The following GABRR1 variants were observed in gnomAD, a reference collection of about 807,000 sequenced individuals.
The protein encoded by GABRR1 is gamma-aminobutyric acid type A receptor subunit rho1.
Under a neutral mutation model 55.5 loss-of-function variants are expected in GABRR1, and 59 were observed. The ratio of observed to expected loss-of-function variants is 1.06; its 90% CI spans 0.86 to 1.32. The LOEUF is 1.32. Among genes scored for constraint, GABRR1 ranks in the 40% most tolerant of loss-of-function variants. GABRR1 has a pLI of 0.00. For synonymous variants in GABRR1, 213 were observed against 226.0 expected, an observed-to-expected ratio of 0.94 and a Z score of 0.51; for missense variants, 602 against 619.1, an observed-to-expected ratio of 0.97 and a Z score of 0.29.
chr6:89,180,533 C>T (rs773758178), intron 8 of GABRR1, 45 bp from the exon 9 acceptor site: 1 of 1,598,874 alleles, frequency 6.3e-7, no homozygotes, highest in Non-Finnish European at 8.5e-7. Flanking sequence ...TGTCTTTCAC[C>T]AAACACAGGA....
At chr6:89,222,587 G>A (rs1296117693) in intron 1 of GABRR1, among the ~76,000 whole-genome samples, 1 of 152,198 alleles carries the variant, frequency 6.6e-6, no homozygotes, top group African/African-American at 2.4e-5. Context: ...CAGATTCCTT[G>A]ATCTTGAGGT....
intron 1 of GABRR1, among the ~76,000 whole-genome samples, chr6:89,223,641 G>C (rs1202536188): frequency 6.6e-6 from 1 of 151,314 alleles, no homozygotes; most frequent in Non-Finnish European, 1.5e-5. Flanking sequence ...TTTCCATAGT[G>C]GTTGTACTAG....
In GABRR1 at chr6:89,185,358, T is replaced by C; in HGVS notation, c.748A>G (p.Ile250Val). The C allele has an allele frequency of 6.2e-7, 1 of 1,613,946 alleles. No homozygotes were observed. The highest frequency in any genetic ancestry group is 8.5e-7 in the Non-Finnish European group (1 of 1,179,850). ...TTGGTGGTGGTGTGGAATTCCTGAA[T>C]GAGGAACTGGGAGAGTGAGATCCGT... Reference protein sequence around the residue: ...DERISLSQFLIQEFHTTTKLA... With the variant: ...DERISLSQFLVQEFHTTTKLA... Residue 250 changes from isoleucine (I) to valine (V), a missense_variant, in exon 7 of 10, where the codon ATT (isoleucine) becomes GTT (valine). Around this residue, in one of 3 missense-constraint regions of GABRR1, gnomAD observed 435 missense variants for 424.2 expected, o/e 1.03. Coordinates refer to ENST00000454853, the MANE Select transcript of GABRR1 (RefSeq NM_002042.5).
At position 89,203,489 on chromosome 6, in the gene GABRR1, C is replaced by G; in HGVS notation, c.123-4G>C. ...TTCTCGTCTTTGTCTTTGGGGCCTA[C>G]CATGAACATTAAAAATAAAGACATT... On this transcript the variant is annotated splice_region_variant and splice_polypyrimidine_tract_variant and intron_variant, in intron 1 of 9. Coordinates refer to ENST00000454853, the MANE Select transcript of GABRR1 (RefSeq NM_002042.5). 6.2e-7 allele frequency: 1 copy of G among 1,608,042 alleles called. No homozygotes were observed. Among genetic ancestry groups the G allele is most frequent in the Non-Finnish European group, 8.5e-7 (1 of 1,174,578 alleles).
chr6:89,188,539 G>A (rs926407745), intron 6 of GABRR1, among the ~76,000 whole-genome samples: 2 of 151,906 alleles, frequency 1.3e-5, no homozygotes, highest in Admixed American at 1.3e-4. Flanking sequence ...TGTGCTTCTT[G>A]GCCATTTGTA....
In GABRR1 at chr6:89,180,435, T is replaced by C; in HGVS notation, c.1003A>G (p.Met335Val). The C allele has an allele frequency of 6.2e-7, 1 of 1,613,898 alleles. No homozygotes were observed. The highest frequency in any genetic ancestry group is 8.5e-7 in the Non-Finnish European group (1 of 1,179,910). Residue 335 changes from methionine (M) to valine (V), a missense_variant, in exon 9 of 10, where the codon ATG becomes GTG. Met to Val is a conservative substitution (Grantham distance 21). This residue lies in a region of GABRR1 where 28 missense variants were observed against 53.9 expected (regional missense o/e 0.52). Transcript: ENST00000454853. ...STIITGVNASMPRVSYIKAVD... is the reference protein window; with the variant it reads ...STIITGVNASVPRVSYIKAVD... ...GCCTTGATGTAGGAGACGCGCGGCATGGAGGCATTCACGCCCGTGATGATG... is the reference window on the plus strand; with the variant it reads ...GCCTTGATGTAGGAGACGCGCGGCACGGAGGCATTCACGCCCGTGATGATG...
At chr6:89,196,472 G>C (rs1478933817) in intron 5 of GABRR1, among the ~76,000 whole-genome samples, 1 of 152,040 alleles carries the variant, frequency 6.6e-6, no homozygotes, top group African/African-American at 2.4e-5. Context: ...AAGATGCCTT[G>C]AAAACCGGTC....
At chr6:89,180,081 A>T (rs3777539) in intron 9 of GABRR1, among the ~76,000 whole-genome samples, 4 of 151,618 alleles carry the variant, frequency 2.6e-5, no homozygotes, top group Middle Eastern at 3.4e-3. Flanking sequence ...GTGCAAAAAA[A>T]TTTTTCAATG....
chr6:89,196,554 T>C (rs1358312202), intron 5 of GABRR1, among the ~76,000 whole-genome samples: 1 of 152,146 alleles, frequency 6.6e-6, no homozygotes, highest in Non-Finnish European at 1.5e-5. Flanking sequence ...GAGGATGGCT[T>C]GAGCCCAGGA....
At chr6:89,180,218 C>G (rs1161777223) in intron 9 of GABRR1, 74 bp downstream of exon 9, 1 of 1,512,104 alleles carries the variant, frequency 6.6e-7, no homozygotes. Context: ...CAGAGAAGGT[C>G]TGCCCTGCCT....
At chr6:89,216,254 C>A (rs189991428) in intron 1 of GABRR1, among the ~76,000 whole-genome samples, 2 of 152,340 alleles carry the variant, frequency 1.3e-5, no homozygotes, top group Admixed American at 1.3e-4. Flanking sequence ...AGGTGCTAGA[C>A]ACAGCCCTCC....
rs1201998575 is a variant in GABRR1 at position 89,201,241 on chromosome 6, G to C, written c.198C>G (p.Asp66Glu). ...ACTTTGTCAGAGGCGATTTGGTGAT[G>C]TCAGGACTTCGTCTCAGAATTGGGC... ...QVSPILRRSP[D>E]ITKSPLTKSE... is the part of the protein sequence containing the mutation. Residue 66 changes from aspartate (D) to glutamate (E), a missense_variant, in exon 3 of 10, where the codon GAC (aspartate) becomes GAG (glutamate). By Grantham distance (45) the Asp-to-Glu change is conservative. Coordinates refer to ENST00000454853, the MANE Select transcript of GABRR1 (RefSeq NM_002042.5). 6.2e-7 allele frequency: 1 copy of C among 1,614,106 alleles called. No homozygotes were observed. The highest frequency in any genetic ancestry group is 1.7e-5 in the Admixed American group (1 of 60,022).
chr6:89,183,512 C>A (rs1771798165), intron 7 of GABRR1, among the ~76,000 whole-genome samples: 2 of 151,954 alleles, frequency 1.3e-5, no homozygotes, highest in Admixed American at 6.6e-5. Context: ...TACATAGAAA[C>A]TGCATGAAGA....
At chr6:89,205,094 T>C (rs1562306239) in intron 1 of GABRR1, among the ~76,000 whole-genome samples, 2 of 152,348 alleles carry the variant, frequency 1.3e-5, no homozygotes, top group East Asian at 3.9e-4. Flanking sequence ...GTTGCATGTG[T>C]TAACTCAGGT....
intron 6 of GABRR1, among the ~76,000 whole-genome samples, chr6:89,189,162 A>G (rs1483962310): frequency 2.0e-5 from 3 of 152,170 alleles, no homozygotes; most frequent in African/African-American, 7.2e-5. Flanking sequence ...AACAAAGTTT[A>G]AAACCATTGC....
chr6:89,180,607 C>T (rs1771688303), intron 8 of GABRR1, 119 bp from the exon 9 acceptor site: 1 of 1,207,098 alleles, frequency 8.3e-7, no homozygotes, highest in South Asian at 1.5e-5. Context: ...TCCATCCCTG[C>T]TCCACTGCCC....
chr6:89,209,589 TG>T (rs1220760681), intron 1 of GABRR1, among the ~76,000 whole-genome samples: 2 of 152,130 alleles, frequency 1.3e-5, no homozygotes, highest in African/African-American at 4.8e-5. Flanking sequence ...CCCTCTCGCC[TG>T]GGGAGTGGAG....
At position 89,182,012 on chromosome 6, in the gene GABRR1, A is replaced by G; in HGVS notation, c.842T>C (p.Ile281Thr). 6.2e-7 allele frequency: 1 copy of G among 1,614,124 alleles called. No homozygotes were observed. The highest frequency in any genetic ancestry group is 8.5e-7 in the Non-Finnish European group (1 of 1,180,010). ...LYINFTLRRH[I>T]FFFLLQTYFP... is the part of the protein sequence containing the mutation. ...ATAAGTTTGGAGCAAGAAGAAGAAG[A>G]TGTGGCGACGCAACGTGAAATTAAT... Residue 281 changes from isoleucine to threonine, a missense_variant, in exon 8 of 10, where the codon ATC becomes ACC. Coordinates refer to ENST00000454853, the MANE Select transcript of GABRR1 (RefSeq NM_002042.5).
intron 8 of GABRR1, among the ~76,000 whole-genome samples, chr6:89,181,203 T>G (rs151214129): frequency 1.0e-3 from 155 of 152,330 alleles, no homozygotes; most frequent in African/African-American, 3.3e-3. Context: ...AGAACATTTG[T>G]TTGGCAAACA....
Sources: gnomAD v4.1 joint callset for allele counts (sites outside exome capture counted in the v4.1 genomes callset) on GRCh38, gnomAD v4.1.1 for gene constraint, gnomAD v4.1.1 regional missense constraint, MANE v1.5 for transcripts, NCBI Gene and HGNC (gene_info 2026-07-23, HGNC 2026-07-21) for gene names.